The following GABRB2 variants were observed in gnomAD, a reference collection of about 807,000 sequenced individuals.
GABRB2 encodes the protein gamma-aminobutyric acid receptor subunit beta-2.
A neutral mutation model predicts 54.7 loss-of-function variants in GABRB2; 16 were observed. The observed-to-expected ratio is 0.29, with a 90% CI of 0.20 to 0.44. The LOEUF is 0.44. Among genes scored for constraint, GABRB2 ranks in the 20% least tolerant of loss-of-function variants. The pLI is 1.00. For synonymous variants in GABRB2, 244 were observed against 233.8 expected, an observed-to-expected ratio of 1.04 and a Z score of -0.40; for missense variants, 355 against 644.0, an observed-to-expected ratio of 0.55 and a Z score of 4.86.
intron 9 of GABRB2, among the ~76,000 whole-genome samples, chr5:161,309,641 T>C (rs1757800777): frequency 6.6e-6 from 1 of 152,008 alleles, no homozygotes; most frequent in African/African-American, 2.4e-5. Context: ...AATTTTTTTT[T>C]TTTTTTTGAG....
intron 5 of GABRB2, among the ~76,000 whole-genome samples, chr5:161,362,721 TGAACA>T (rs1233537673): frequency 6.6e-6 from 1 of 152,034 alleles, no homozygotes; most frequent in Non-Finnish European, 1.5e-5. Flanking sequence ...GTGAAGGATA[TGAACA>T]GACACTTCTC....
chr5:161,419,654 G>A (rs1003995213), intron 4 of GABRB2, among the ~76,000 whole-genome samples: 3 of 152,212 alleles, frequency 2.0e-5, no homozygotes, highest in African/African-American at 7.2e-5. Flanking sequence ...TCTTGTCTTT[G>A]CAGCAACACA....
chr5:161,386,701 C>G (rs2113493632), intron 5 of GABRB2, among the ~76,000 whole-genome samples: 1 of 151,898 alleles, frequency 6.6e-6, no homozygotes, highest in East Asian at 1.9e-4. Context: ...GCTACCATGC[C>G]CAGCTAATTT....
At chr5:161,371,433 A>G (rs142663661) in intron 5 of GABRB2, among the ~76,000 whole-genome samples, 2 of 152,304 alleles carry the variant, frequency 1.3e-5, no homozygotes, top group African/African-American at 4.8e-5. Flanking sequence ...AATAGCCTTC[A>G]GTGCATCTTT....
chr5:161,312,750 A>G (rs1757908673), intron 9 of GABRB2, among the ~76,000 whole-genome samples: 1 of 152,204 alleles, frequency 6.6e-6, no homozygotes, highest in South Asian at 2.1e-4. Context: ...ATTATTAGGC[A>G]AACAGAAATT....
rs1757253790 is a variant in GABRB2 at position 161,292,082 on chromosome 5, G to T, written c.*1999C>A. The stretch of plus-strand genomic sequence containing the variant: ...ATGTAATCAAAATATAATGGCCAAG[G>T]TTTCCTACACTGGTGAAAAACAAAA... On this transcript the variant is annotated 3_prime_UTR_variant, in exon 10 of 10. Coordinates refer to ENST00000393959, the MANE Select transcript of GABRB2 (RefSeq NM_001371727.1). 6.7e-6 allele frequency: 1 copy of T among 148,618 alleles called. No homozygotes were observed. The highest frequency in any genetic ancestry group is 1.5e-5 in the Non-Finnish European group (1 of 67,500). 9.2% of individuals were successfully genotyped at this position (148,618 alleles called of 1,614,324 possible). A position where few individuals can be genotyped will look rare whatever the true frequency, so the allele number is the denominator to read the frequency against.
At chr5:161,304,481 C>T (rs1757623989) in intron 9 of GABRB2, among the ~76,000 whole-genome samples, 1 of 152,138 alleles carries the variant, frequency 6.6e-6, no homozygotes, top group Non-Finnish European at 1.5e-5. Flanking sequence ...ACTGTGTAGG[C>T]CTTGCTGTGG....
intron 5 of GABRB2, among the ~76,000 whole-genome samples, chr5:161,339,144 C>G (rs536611915): frequency 3.1e-4 from 47 of 152,184 alleles, no homozygotes; most frequent in Non-Finnish European, 6.3e-4. Flanking sequence ...ATGACTACAG[C>G]TCCTAGAACT....
intron 9 of GABRB2, among the ~76,000 whole-genome samples, chr5:161,306,394 A>T (rs748677769): frequency 2.6e-5 from 4 of 152,162 alleles, no homozygotes; most frequent in Non-Finnish European, 5.9e-5. Flanking sequence ...GACTATAAAA[A>T]TTTCTACTCA....
intron 3 of GABRB2, among the ~76,000 whole-genome samples, chr5:161,477,393 T>C (rs1758627106): frequency 6.6e-6 from 1 of 151,116 alleles, no homozygotes; most frequent in African/African-American, 2.4e-5. Flanking sequence ...TGGAAAACAG[T>C]ATGGCTGTTC....
At chr5:161,398,892 G>A (rs1240817573) in intron 5 of GABRB2, among the ~76,000 whole-genome samples, 2 of 152,040 alleles carry the variant, frequency 1.3e-5, no homozygotes, top group East Asian at 1.9e-4. Context: ...GTTTCACTAC[G>A]TTGGCCAGGA....
At chr5:161,522,585 GT>G (rs200533015) in intron 3 of GABRB2, among the ~76,000 whole-genome samples, 6 of 149,954 alleles carry the variant, frequency 4.0e-5, no homozygotes, top group Non-Finnish European at 7.4e-5. Flanking sequence ...AAGATCTAGT[GT>G]TTTTTTTTCT....
At chr5:161,366,863 G>T (rs1241285713) in intron 5 of GABRB2, among the ~76,000 whole-genome samples, 1 of 152,084 alleles carries the variant, frequency 6.6e-6, no homozygotes, top group Non-Finnish European at 1.5e-5. Flanking sequence ...CTGGTGAATC[G>T]CTTGAACCTG....
At chr5:161,412,777 A>G (rs1756556660) in intron 4 of GABRB2, among the ~76,000 whole-genome samples, 1 of 152,178 alleles carries the variant, frequency 6.6e-6, no homozygotes, top group African/African-American at 2.4e-5. Flanking sequence ...CTCAGTTAAA[A>G]ATGACCTTTT....
At chr5:161,303,023 A>G (rs188142173) in intron 9 of GABRB2, among the ~76,000 whole-genome samples, 2 of 152,352 alleles carry the variant, frequency 1.3e-5, no homozygotes, top group East Asian at 3.9e-4. Flanking sequence ...TGGTAGGAAT[A>G]AAAGAGTGAG....
intron 3 of GABRB2, among the ~76,000 whole-genome samples, chr5:161,478,632 TG>T (rs1011080178): frequency 6.6e-6 from 1 of 152,026 alleles, no homozygotes; most frequent in African/African-American, 2.4e-5. Context: ...GGGAGAGGAT[TG>T]GGAAGACAAA....
At chr5:161,439,722 G>A (rs769640940) in intron 4 of GABRB2, among the ~76,000 whole-genome samples, 4 of 151,784 alleles carry the variant, frequency 2.6e-5, no homozygotes, top group South Asian at 2.1e-4. Flanking sequence ...GTATGCTTAC[G>A]CAAATAATGT....
chr5:161,401,872 C>T lies in GABRB2; in HGVS notation c.541+9103G>A, dbSNP rs142785208. On this transcript the variant is annotated intron_variant, in intron 5 of 9. Transcript: ENST00000393959. ...TCATCTTATATATTAGTGTATTCAG[C>T]AGACTTTTCTGAGATGATGGAAATG... 1.1e-3 allele frequency among the ~76,000 whole-genome samples: 166 copies of T among 152,188 alleles called. 1 individual carries two copies. Among genetic ancestry groups the T allele is most frequent in the African/African-American group, 3.8e-3 (159 of 41,544 alleles).
intron 9 of GABRB2, among the ~76,000 whole-genome samples, chr5:161,307,232 T>G (rs1757714965): frequency 6.6e-6 from 1 of 152,182 alleles, no homozygotes; most frequent in Non-Finnish European, 1.5e-5. Flanking sequence ...AGGCGCCCCA[T>G]TATAGCAATG....
Sources: gnomAD v4.1 joint callset for allele counts (sites outside exome capture counted in the v4.1 genomes callset) on GRCh38, gnomAD v4.1.1 for gene constraint, MANE v1.5 for transcripts, NCBI Gene and HGNC (gene_info 2026-07-23, HGNC 2026-07-21) for gene names.